LDLRAD4: variants seen among roughly 807,000 people sequenced by gnomAD.
LDLRAD4 encodes low density lipoprotein receptor class A domain containing 4.
LDLRAD4 carries 5 observed loss-of-function variants against 17.0 expected under a neutral mutation model. The observed-to-expected ratio is 0.29, with a 90% CI of 0.15 to 0.62. The LOEUF is 0.62. LDLRAD4 is among the 20% of genes least tolerant of loss of function. LDLRAD4 has a pLI of 0.84. For synonymous variants in LDLRAD4, 168 were observed against 171.8 expected, an observed-to-expected ratio of 0.98 and a Z score of 0.17; for missense variants, 340 against 424.7, an observed-to-expected ratio of 0.80 and a Z score of 1.75.
In LDLRAD4 at chr18:13,484,476, G is replaced by T. The variant is rs78571542; in HGVS notation, c.181+46092G>T. On this transcript the variant is annotated intron_variant, in intron 3 of 5. Coordinates refer to ENST00000359446, the Ensembl canonical transcript of LDLRAD4. Reference sequence around the variant, plus strand: ...AAAAATAAAAAAATTAGCTGGGTTCGGTGGTGTGCCAGCTACTCCGAGCTA... The same window carrying T: ...AAAAATAAAAAAATTAGCTGGGTTCTGTGGTGTGCCAGCTACTCCGAGCTA... 4.2e-3 allele frequency among the ~76,000 whole-genome samples: 646 copies of T among 152,204 alleles called. 9 individuals are homozygous for T. Among genetic ancestry groups the T allele is most frequent in the African/African-American group, 0.015 (622 of 41,534 alleles).
chr18:13,244,104 T>C (rs958391510), intron 1 of LDLRAD4, among the ~76,000 whole-genome samples: 4 of 143,382 alleles, frequency 2.8e-5, no homozygotes, highest in Admixed American at 1.4e-4. Flanking sequence ...CATCCATCCA[T>C]TCATCTATCC....
chr18:13,496,728 G>C (rs12954729), intron 3 of LDLRAD4, among the ~76,000 whole-genome samples: 59,931 of 147,996 alleles, frequency 0.4, 13,245 homozygotes, highest in South Asian at 0.64. Flanking sequence ...GGGATTGGGA[G>C]GTGGGAGGGA....
In LDLRAD4 at chr18:13,398,283, A is replaced by G. The variant is rs575987558; in HGVS notation, c.40+10521A>G. 1.3e-5 allele frequency among the ~76,000 whole-genome samples: 2 copies of G among 152,182 alleles called. No homozygotes were observed. The highest frequency in any genetic ancestry group is 2.4e-5 in the African/African-American group (1 of 41,524). ...AACTTTTCCATGTGTACCTTAGATA[A>G]CCTCACTGGCGTTTGTCATTCTGCT... On this transcript the variant is annotated intron_variant, in intron 2 of 5. Transcript: ENST00000359446. The surrounding 1 kb of genome is among the most constrained non-coding windows in gnomAD (Gnocchi z 4.8).
At chr18:13,508,673 T>C (rs1398459221) in intron 3 of LDLRAD4, among the ~76,000 whole-genome samples, 1 of 152,214 alleles carries the variant, frequency 6.6e-6, no homozygotes, top group Non-Finnish European at 1.5e-5. Context: ...TAGCCCACTG[T>C]TGAGACCTAC....
chr18:13,302,012 A>G (rs1220617458), intron 1 of LDLRAD4, among the ~76,000 whole-genome samples: 1 of 152,208 alleles, frequency 6.6e-6, no homozygotes, highest in Non-Finnish European at 1.5e-5. Context: ...AGATACGTAC[A>G]TATAAATGTG....
At chr18:13,525,638 G>T (rs530016842) in intron 3 of LDLRAD4, among the ~76,000 whole-genome samples, 1 of 152,268 alleles carries the variant, frequency 6.6e-6, no homozygotes, top group Admixed American at 6.5e-5. Context: ...AAAAGGCCCA[G>T]CCTCACTGGG....
At chr18:13,220,787 G>A (rs1453499942) in intron 1 of LDLRAD4, among the ~76,000 whole-genome samples, 1 of 152,200 alleles carries the variant, frequency 6.6e-6, no homozygotes, top group Non-Finnish European at 1.5e-5. Flanking sequence ...TGCTGCAGGG[G>A]TAACCTCCCT....
At chr18:13,559,557 T>C (rs564789197) in intron 3 of LDLRAD4, among the ~76,000 whole-genome samples, 2 of 152,196 alleles carry the variant, frequency 1.3e-5, no homozygotes, top group Non-Finnish European at 2.9e-5. Context: ...CATATACACA[T>C]GTACACATAT....
rs534532654 is a variant in LDLRAD4, at chr18:13,501,680, C to T, written c.181+63296C>T. Among the ~76,000 whole-genome samples the T allele has an allele frequency of 7.9e-5, 12 of 151,904 alleles. No individual in the cohort carries two copies. The South Asian group carries it at 1.3e-3, about 16-fold the overall frequency. On this transcript the variant is annotated intron_variant, in intron 3 of 5. Transcript: ENST00000359446. The stretch of plus-strand genomic sequence containing the variant: ...ATAATCCATAGAAACCCAAGGGGTC[C>T]GGAGTGAGAGGAGAAACATGACGTG...
chr18:13,618,116 A>C (rs2040252848), intron 3 of LDLRAD4, among the ~76,000 whole-genome samples: 1 of 151,816 alleles, frequency 6.6e-6, no homozygotes, highest in African/African-American at 2.4e-5. Flanking sequence ...GGCAAATGCC[A>C]GTATGTTTGT....
intron 1 of LDLRAD4, among the ~76,000 whole-genome samples, chr18:13,355,828 G>A (rs985136601): frequency 3.3e-5 from 5 of 152,146 alleles, no homozygotes; most frequent in African/African-American, 9.7e-5. Flanking sequence ...ACAGAGTCTT[G>A]CTTTGTTGTC....
chr18:13,499,753 G>A (rs1222827450), intron 3 of LDLRAD4, among the ~76,000 whole-genome samples: 4 of 150,898 alleles, frequency 2.7e-5, no homozygotes, highest in East Asian at 3.9e-4. Flanking sequence ...TGCCACACAC[G>A]TCCAGCCGTG....
chr18:13,646,424 CATT>C (rs1256462890), exon 6 of LDLRAD4: 3 of 152,396 alleles, frequency 2.0e-5, no homozygotes, highest in East Asian at 1.9e-4. Flanking sequence ...TCAAAAAAGT[CATT>C]ATTGTTGCAG....
intron 1 of LDLRAD4, among the ~76,000 whole-genome samples, chr18:13,375,666 T>C (rs915030209): frequency 1.3e-5 from 2 of 152,220 alleles, no homozygotes; most frequent in Non-Finnish European, 2.9e-5. Context: ...CCTGAGTGAA[T>C]GCTCTGAGTG....
intron 3 of LDLRAD4, among the ~76,000 whole-genome samples, chr18:13,576,370 C>A (rs572817868): frequency 1.4e-5 from 2 of 145,728 alleles, no homozygotes; most frequent in Middle Eastern, 7.3e-3. Context: ...TGCAGTGAGC[C>A]GAGATTGTGC....
upstream of LDLRAD4, among the ~76,000 whole-genome samples, chr18:13,276,620 G>A (rs895061358): frequency 6.6e-6 from 1 of 152,218 alleles, no homozygotes; most frequent in African/African-American, 2.4e-5. Context: ...CTCAGGTCCT[G>A]GGGAGCCCTT....
At chr18:13,264,851 G>A (rs750298626) in intron 1 of LDLRAD4, among the ~76,000 whole-genome samples, 2 of 152,230 alleles carry the variant, frequency 1.3e-5, no homozygotes, top group Non-Finnish European at 2.9e-5. Flanking sequence ...TCATAAAAGC[G>A]TTTCAAGTAC....
At chr18:13,314,134 G>A (rs2080807566) in intron 1 of LDLRAD4, among the ~76,000 whole-genome samples, 1 of 152,118 alleles carries the variant, frequency 6.6e-6, no homozygotes, top group African/African-American at 2.4e-5. Flanking sequence ...TTTTGGTAAT[G>A]AGTTTGGCAA....
intron 3 of LDLRAD4, among the ~76,000 whole-genome samples, chr18:13,495,988 A>C (rs1200705943): frequency 6.6e-6 from 1 of 152,106 alleles, no homozygotes; most frequent in Non-Finnish European, 1.5e-5. Context: ...TAAACCCTGT[A>C]ATACACTGCA....
Sources: allele counts gnomAD v4.1 joint callset (sites outside exome capture counted in the v4.1 genomes callset), GRCh38; gene constraint gnomAD v4.1.1; non-coding constraint Gnocchi (gnomAD v3.1); transcripts MANE v1.5; gene names NCBI Gene and HGNC (gene_info 2026-07-23, HGNC 2026-07-21).